ZNF678: variants seen among roughly 807,000 people sequenced by gnomAD.
The protein encoded by ZNF678 is zinc finger protein 678.
In ZNF678, 5 loss-of-function variants were observed where a neutral mutation model predicts 3.0. The ratio of observed to expected loss-of-function variants is 1.69; its 90% CI spans 0.88 to 3.56. The LOEUF (loss-of-function observed/expected upper bound fraction) is 3.56, where lower values mean the gene tolerates loss of function less well. Among genes scored for constraint, ZNF678 ranks in the 30% most tolerant of loss-of-function variants. ZNF678 has a pLI of 0.00. For synonymous variants in ZNF678, 218 were observed against 199.6 expected (o/e 1.09, Z -0.78); for missense variants, 593 against 605.0 (o/e 0.98, Z 0.21).
chr1:227,649,485 A>G (rs935528610), intron 2 of ZNF678, among the ~76,000 whole-genome samples: 1 of 152,118 alleles, frequency 6.6e-6, no homozygotes, highest in Non-Finnish European at 1.5e-5. Flanking sequence ...CAGGTAGCCA[A>G]GATTACAGGC....
At chr1:227,669,960 A>T (rs1659573199) in intron 5 of ZNF678, among the ~76,000 whole-genome samples, 1 of 152,224 alleles carries the variant, frequency 6.6e-6, no homozygotes, top group Admixed American at 6.5e-5. Context: ...TAGGTGCCCG[A>T]CAATGCTGGA....
chr1:227,666,350 A>G (rs1273359717), downstream of ZNF678, among the ~76,000 whole-genome samples: 1 of 152,234 alleles, frequency 6.6e-6, no homozygotes, highest in Admixed American at 6.5e-5. Context: ...TAAAGGCCCC[A>G]TCCTGGCTTT....
At chr1:227,640,342 C>CT (rs1658788394) in intron 1 of ZNF678, among the ~76,000 whole-genome samples, 1 of 150,942 alleles carries the variant, frequency 6.6e-6, no homozygotes, top group African/African-American at 2.4e-5. Context: ...AACAAGGAGG[C>CT]TTGGGGGGTT....
In ZNF678 at chr1:227,654,895, C is replaced by T; in HGVS notation, c.645C>T (p.Gly215=). The change falls in exon 4 of 4, where the codon GGC becomes GGT. Residue 215 remains glycine, a synonymous_variant. Transcript: ENST00000343776. ...GEKPYPCEEC[G]KAFTQFSNLT... is the part of the protein sequence containing the mutation. ...AACCATACCCATGTGAAGAATGTGG[C>T]AAAGCCTTTACCCAGTTCTCAAACC... 1 of 1,608,534 alleles carries T rather than the reference C, an allele frequency of 6.2e-7. No homozygotes were observed. The highest frequency in any genetic ancestry group is 8.5e-7 in the Non-Finnish European group (1 of 1,178,966).
At chr1:227,645,681 C>G (rs1658939090) in intron 1 of ZNF678, among the ~76,000 whole-genome samples, 1 of 152,162 alleles carries the variant, frequency 6.6e-6, no homozygotes, top group Admixed American at 6.5e-5. Context: ...GTTGATGGAG[C>G]TTCGCATGAA....
intron 3 of ZNF678, 108 bp from the exon 4 acceptor site, chr1:227,654,228 T>C (rs982446354): frequency 1.5e-5 from 13 of 867,668 alleles, no homozygotes; most frequent in African/African-American, 1.1e-4. Context: ...TGATATTTTA[T>C]TATGCCATCT....
chr1:227,613,135 T>C (rs1334189760), intron 1 of ZNF678, among the ~76,000 whole-genome samples: 1 of 152,186 alleles, frequency 6.6e-6, no homozygotes, highest in Non-Finnish European at 1.5e-5. Context: ...GACTCCTTCT[T>C]GTCACCAATA....
chr1:227,669,403 G>A (rs1028154956), intron 5 of ZNF678, among the ~76,000 whole-genome samples: 11 of 152,046 alleles, frequency 7.2e-5, no homozygotes, highest in Admixed American at 2.6e-4. Context: ...TTGGGAGGCC[G>A]AGGCGGGTGG....
At chr1:227,616,279 G>A (rs1658138665) in intron 1 of ZNF678, among the ~76,000 whole-genome samples, 1 of 152,136 alleles carries the variant, frequency 6.6e-6, no homozygotes, top group Admixed American at 6.5e-5. Context: ...TACACTGTAA[G>A]AAAAATAACA....
chr1:227,597,536 C>T (rs1657625730), intron 1 of ZNF678, among the ~76,000 whole-genome samples: 1 of 152,106 alleles, frequency 6.6e-6, no homozygotes, highest in South Asian at 2.1e-4. Context: ...AATTCCTCTC[C>T]CAAGCCAAAG....
intron 1 of ZNF678, among the ~76,000 whole-genome samples, chr1:227,608,215 A>G (rs1657926146): frequency 6.6e-6 from 1 of 152,146 alleles, no homozygotes; most frequent in African/African-American, 2.4e-5. Context: ...ATCTAGCCAC[A>G]TACACATATA....
chr1:227,595,799 G>C (rs1485180870), intron 1 of ZNF678, among the ~76,000 whole-genome samples: 3 of 152,154 alleles, frequency 2.0e-5, no homozygotes, highest in African/African-American at 7.2e-5. Flanking sequence ...ACAAAAACCA[G>C]AGTGCTGGTA....
intron 5 of ZNF678, among the ~76,000 whole-genome samples, chr1:227,676,892 G>A (rs993087187): frequency 3.3e-5 from 5 of 152,094 alleles, no homozygotes; most frequent in African/African-American, 1.2e-4. Context: ...TGGTGTATAT[G>A]TGCCACATTT....
chr1:227,617,481 G>A (rs897214068), intron 1 of ZNF678, among the ~76,000 whole-genome samples: 1 of 152,166 alleles, frequency 6.6e-6, no homozygotes, highest in Non-Finnish European at 1.5e-5. Flanking sequence ...TTTAACAAAT[G>A]GTTCGGCACA....
In ZNF678 at chr1:227,587,745, C is replaced by T. The variant is rs543443082; in HGVS notation, c.-164+24021C>T. 5.3e-5 allele frequency among the ~76,000 whole-genome samples: 8 copies of T among 151,770 alleles called. No homozygotes were observed. The East Asian group carries it at 1.5e-3, about 29-fold the overall frequency. On this transcript the variant is annotated intron_variant, in intron 1 of 3. Coordinates refer to ENST00000343776, the MANE Select transcript of ZNF678 (RefSeq NM_001367909.1). ...TTATGGGTAAAATTTGGAGCTTCTC[C>T]TCCATGCCTTCTTATCTGGAACATC...
intron 1 of ZNF678, among the ~76,000 whole-genome samples, chr1:227,635,463 A>G (rs561405187): frequency 6.6e-6 from 1 of 151,988 alleles, no homozygotes; most frequent in East Asian, 1.9e-4. Context: ...TGTTGACTAT[A>G]GCCAAAACAC....
intron 5 of ZNF678, among the ~76,000 whole-genome samples, chr1:227,674,273 C>T (rs1659646652): frequency 6.6e-6 from 1 of 152,178 alleles, no homozygotes; most frequent in South Asian, 2.1e-4. Context: ...AGAAATCTTT[C>T]CCAGCAAACT....
Position 227,658,251 on chromosome 1 carries a change from G to C in ZNF678, c.*2423G>C, listed in dbSNP as rs6699448. On this transcript the variant is annotated 3_prime_UTR_variant, in exon 4 of 4. Coordinates refer to ENST00000343776, the MANE Select transcript of ZNF678 (RefSeq NM_001367909.1). Reference sequence around the variant, plus strand: ...TTTTGTTTAGATGTACACTGGGAAGGCTTCATAATTCACAAAGTTGTTTTG... The same window carrying C: ...TTTTGTTTAGATGTACACTGGGAAGCCTTCATAATTCACAAAGTTGTTTTG... 7.3e-5 allele frequency: 11 copies of C among 151,686 alleles called. No homozygotes were observed. The highest frequency in any genetic ancestry group is 2.4e-4 in the African/African-American group (10 of 41,302). The allele number at this position is 151,686 out of a possible 1,614,324, so 9.4% of individuals were successfully genotyped here.
chr1:227,568,621 G>A (rs1656758936), intron 1 of ZNF678, among the ~76,000 whole-genome samples: 1 of 152,160 alleles, frequency 6.6e-6, no homozygotes, highest in African/African-American at 2.4e-5. Flanking sequence ...ACTGGTACAT[G>A]TTTTGCTGAG....
Sources: allele counts gnomAD v4.1 joint callset (sites outside exome capture counted in the v4.1 genomes callset), GRCh38; gene constraint gnomAD v4.1.1; transcripts MANE v1.5; gene names NCBI Gene and HGNC (gene_info 2026-07-23, HGNC 2026-07-21).